GRIK2: variants seen among roughly 807,000 people sequenced by gnomAD.
GRIK2 encodes glutamate receptor ionotropic, kainate 2.
GRIK2 carries 32 observed loss-of-function variants against 100.3 expected under a neutral mutation model. That is an observed-to-expected ratio of 0.32 (90% confidence interval 0.24 to 0.43). GRIK2 has a LOEUF of 0.43. Among genes scored for constraint, GRIK2 ranks in the 20% least tolerant of loss-of-function variants. The pLI is 1.00. For synonymous variants in GRIK2, 417 were observed against 389.4 expected (o/e 1.07, Z -0.83); for missense variants, 843 against 1,114.9 (o/e 0.76, Z 3.47).
chr6:101,518,456 C>T (rs9322587), intron 2 of GRIK2, among the ~76,000 whole-genome samples: 25,180 of 151,896 alleles, frequency 0.17, 2,436 homozygotes, highest in South Asian at 0.3. Context: ...CTAGTTGTTA[C>T]GCAGAATAAG....
intron 14 of GRIK2, among the ~76,000 whole-genome samples, chr6:101,999,562 CAT>C (rs1405173636): frequency 6.6e-6 from 1 of 151,902 alleles, no homozygotes; most frequent in African/African-American, 2.4e-5. Context: ...TATCCTGAGA[CAT>C]GTGTTAAGCT....
In GRIK2 at chr6:101,987,112, C is replaced by T. The variant is rs963861020; in HGVS notation, c.2086-48229C>T. 7.2e-5 allele frequency among the ~76,000 whole-genome samples: 11 copies of T among 151,912 alleles called. 1 individual carries two copies. The highest frequency in any genetic ancestry group is 2.1e-4 in the South Asian group (1 of 4,820). On this transcript the variant is annotated intron_variant, in intron 14 of 16. Transcript: ENST00000369134. ...GAGCTATGATCATATGATCAATCCA[C>T]GGCACTTCAGCCTGGGTGACAGAGA...
intron 2 of GRIK2, among the ~76,000 whole-genome samples, chr6:101,497,019 G>T (rs914662217): frequency 6.6e-6 from 1 of 152,144 alleles, no homozygotes; most frequent in Non-Finnish European, 1.5e-5. Flanking sequence ...AATTCACCCT[G>T]TCTCCTCTAA....
intron 14 of GRIK2, among the ~76,000 whole-genome samples, chr6:101,938,100 G>C (rs1790722728): frequency 6.6e-6 from 1 of 151,836 alleles, no homozygotes; most frequent in African/African-American, 2.4e-5. Flanking sequence ...ATTAAGAGCT[G>C]ATTGAAGATA....
intron 7 of GRIK2, among the ~76,000 whole-genome samples, chr6:101,774,735 C>T (rs192323460): frequency 1.3e-5 from 2 of 152,194 alleles, no homozygotes; most frequent in Non-Finnish European, 2.9e-5. Flanking sequence ...AGTTTCTGTA[C>T]ATGATGTTTG....
At chr6:102,061,845 C>T (rs1260200142) in intron 16 of GRIK2, among the ~76,000 whole-genome samples, 3 of 150,210 alleles carry the variant, frequency 2.0e-5, no homozygotes, top group Non-Finnish European at 4.5e-5. Context: ...AAAGCTGATA[C>T]ATTTTAACTG....
intron 4 of GRIK2, among the ~76,000 whole-genome samples, chr6:101,652,018 A>G (rs1332660117): frequency 6.6e-6 from 1 of 152,194 alleles, no homozygotes; most frequent in Non-Finnish European, 1.5e-5. Flanking sequence ...TACTGCTGGT[A>G]TGTCATGTAA....
intron 2 of GRIK2, among the ~76,000 whole-genome samples, chr6:101,553,563 A>G (rs1441047494): frequency 1.3e-5 from 2 of 152,220 alleles, no homozygotes; most frequent in East Asian, 1.9e-4. Context: ...AAGTTATAGC[A>G]TAAATGATCA....
intron 10 of GRIK2, among the ~76,000 whole-genome samples, chr6:101,858,553 ATT>A (rs145049489): frequency 5.0e-4 from 75 of 150,436 alleles, no homozygotes; most frequent in Middle Eastern, 3.4e-3. Flanking sequence ...CGCCCAGCTA[ATT>A]TTTTTTGTAT....
At chr6:101,625,595 T>C (rs934986454) in intron 3 of GRIK2, among the ~76,000 whole-genome samples, 1 of 152,142 alleles carries the variant, frequency 6.6e-6, no homozygotes, top group East Asian at 1.9e-4. Context: ...TTTGTGTCAG[T>C]GTGCCTTATA....
chr6:101,492,953 G>T (rs961540019), intron 2 of GRIK2, among the ~76,000 whole-genome samples: 1 of 151,780 alleles, frequency 6.6e-6, no homozygotes, highest in Non-Finnish European at 1.5e-5. Flanking sequence ...AAATAAACCG[G>T]CAGGTTTGAA....
chr6:101,722,246 A>G (rs1214544804), intron 7 of GRIK2, among the ~76,000 whole-genome samples: 2 of 152,020 alleles, frequency 1.3e-5, no homozygotes, highest in Non-Finnish European at 2.9e-5. Context: ...TACTTATACC[A>G]GGAGTAGGCT....
At chr6:101,763,078 G>A (rs184179335) in intron 7 of GRIK2, among the ~76,000 whole-genome samples, 23 of 152,218 alleles carry the variant, frequency 1.5e-4, no homozygotes, top group Middle Eastern at 6.8e-3. Flanking sequence ...AGACGCTCAT[G>A]TACAAATGAA....
chr6:101,493,295 T>TC (rs1184742167), intron 2 of GRIK2, among the ~76,000 whole-genome samples: 1 of 151,558 alleles, frequency 6.6e-6, no homozygotes, highest in African/African-American at 2.4e-5. Flanking sequence ...AAAAAGAAAT[T>TC]CCCTAAACAC....
At chr6:101,917,703 A>G (rs1386898619) in intron 12 of GRIK2, among the ~76,000 whole-genome samples, 1 of 151,422 alleles carries the variant, frequency 6.6e-6, no homozygotes, top group African/African-American at 2.4e-5. Context: ...GCAAATAGTA[A>G]TCATCCTTCA....
intron 2 of GRIK2, among the ~76,000 whole-genome samples, chr6:101,559,982 A>G (rs2128295228): frequency 6.6e-6 from 1 of 152,272 alleles, no homozygotes; most frequent in South Asian, 2.1e-4. Context: ...CAAAGGGTAT[A>G]TGGACAAAGC....
At chr6:101,463,953 T>C (rs1215127088) in intron 2 of GRIK2, among the ~76,000 whole-genome samples, 1 of 152,226 alleles carries the variant, frequency 6.6e-6, no homozygotes, top group Non-Finnish European at 1.5e-5. Context: ...TAATATATTA[T>C]AGATTTTTCC....
At chr6:101,914,386 G>A (rs949673342) in intron 12 of GRIK2, among the ~76,000 whole-genome samples, 2 of 151,388 alleles carry the variant, frequency 1.3e-5, no homozygotes, top group East Asian at 1.9e-4. Context: ...GTGGTCAGAT[G>A]TAATATGGAA....
intron 7 of GRIK2, among the ~76,000 whole-genome samples, chr6:101,714,326 T>A (rs1322556330): frequency 6.6e-6 from 1 of 151,758 alleles, no homozygotes; most frequent in Non-Finnish European, 1.5e-5. Flanking sequence ...ACTTTTGTGA[T>A]CTTTTATTTG....
Sources: allele counts gnomAD v4.1 joint callset (sites outside exome capture counted in the v4.1 genomes callset), GRCh38; gene constraint gnomAD v4.1.1; transcripts MANE v1.5; gene names NCBI Gene and HGNC (gene_info 2026-07-23, HGNC 2026-07-21).